The following NFIB variants were observed in gnomAD, a reference collection of about 807,000 sequenced individuals.
NFIB encodes the protein nuclear factor I B, also known as nuclear factor 1 B-type.
A neutral mutation model predicts 61.5 loss-of-function variants in NFIB; 11 were observed. The ratio of observed to expected loss-of-function variants is 0.18; its 90% CI spans 0.11 to 0.30. NFIB has a LOEUF of 0.30. Among genes scored for constraint, NFIB ranks in the 10% least tolerant of loss-of-function variants. The pLI, the probability that NFIB is intolerant of heterozygous loss-of-function variation, is 1.00. For synonymous variants in NFIB, 260 were observed against 216.5 expected (o/e 1.20, Z -1.76); for missense variants, 471 against 608.9 (o/e 0.77, Z 2.38).
intron 1 of NFIB, among the ~76,000 whole-genome samples, chr9:14,386,184 C>A (rs1169454926): frequency 6.6e-6 from 1 of 152,108 alleles, no homozygotes; most frequent in Non-Finnish European, 1.5e-5. Context: ...TACACTTGTC[C>A]AAAATTTAAA....
At chr9:14,452,496 G>GGAAAGGAAAGGAAAGGAAAGGAAAA in the NFIB span, among the ~76,000 whole-genome samples, 302 of 134,034 alleles carry the variant, frequency 2.3e-3, 25 homozygotes, top group African/African-American at 8.1e-3. Context: ...GGAAAGGAAA[G>GGAAAGGAAAGGAAAGGAAAGGAAAA]GAAAGGAAAG....
chr9:14,528,572 A>C, the NFIB span, among the ~76,000 whole-genome samples: 2 of 152,198 alleles, frequency 1.3e-5, no homozygotes. Flanking sequence ...TTTACAGATT[A>C]ATATTCAAAT....
At chr9:14,268,595 G>A (rs2057385574) in intron 2 of NFIB, among the ~76,000 whole-genome samples, 2 of 152,298 alleles carry the variant, frequency 1.3e-5, no homozygotes, top group South Asian at 4.1e-4. Context: ...CTTGAGTCAT[G>A]AGAACCTTCT....
chr9:14,416,919 G>A, the NFIB span, among the ~76,000 whole-genome samples: 2 of 124,592 alleles, frequency 1.6e-5, no homozygotes, highest in Non-Finnish European at 3.1e-5. Context: ...TTGAGAAGGA[G>A]TCTTGCCCTG....
At chr9:14,457,865 G>T in the NFIB span, among the ~76,000 whole-genome samples, 38 of 152,250 alleles carry the variant, frequency 2.5e-4, no homozygotes, top group East Asian at 6.4e-3. Flanking sequence ...TGGCATTGAG[G>T]CAATAATTAA....
At chr9:14,484,852 TG>T in the NFIB span, among the ~76,000 whole-genome samples, 1 of 152,142 alleles carries the variant, frequency 6.6e-6, no homozygotes, top group Non-Finnish European at 1.5e-5. Flanking sequence ...TACCATAGAC[TG>T]GGGGGCTGAA....
rs539802344 is a variant in NFIB at position 14,328,709 on chromosome 9, A to G, written c.109-21189T>C. On this transcript the variant is annotated intron_variant, in intron 1 of 8. Coordinates refer to the NFIB transcript ENST00000380934. ...TCATAATTTTTCCACTTAATTTTCT[A>G]TTTGTATTGTTGATATTAGTGAATG... Among the ~76,000 whole-genome samples, 12 of 152,094 alleles carry G rather than the reference A, an allele frequency of 7.9e-5. No homozygotes were observed. The South Asian group carries it at 1.0e-3, about 13-fold the overall frequency.
chr9:14,330,179 T>C (rs2060804561), intron 1 of NFIB, among the ~76,000 whole-genome samples: 1 of 152,032 alleles, frequency 6.6e-6, no homozygotes, highest in African/African-American at 2.4e-5. Flanking sequence ...AGTAACAGAA[T>C]GCAAGTGAGG....
chr9:14,372,658 T>C (rs111570749), intron 1 of NFIB, among the ~76,000 whole-genome samples: 4 of 152,272 alleles, frequency 2.6e-5, no homozygotes, highest in East Asian at 3.9e-4. Flanking sequence ...GGTTTTACTG[T>C]GTGCTGGCTT....
intron 1 of NFIB, among the ~76,000 whole-genome samples, chr9:14,363,896 T>G (rs561502787): frequency 6.6e-6 from 1 of 152,322 alleles, no homozygotes; most frequent in South Asian, 2.1e-4. Flanking sequence ...AATCTTCTAT[T>G]AAATAGCTCC....
At chr9:14,287,117 A>C (rs1301644848) in intron 2 of NFIB, among the ~76,000 whole-genome samples, 1 of 152,068 alleles carries the variant, frequency 6.6e-6, no homozygotes, top group African/African-American at 2.4e-5. Context: ...GTAACCTTAA[A>C]AGATTGAAAG....
chr9:14,374,151 T>A (rs1588388055), intron 1 of NFIB, among the ~76,000 whole-genome samples: 1 of 152,206 alleles, frequency 6.6e-6, no homozygotes, highest in African/African-American at 2.4e-5. Flanking sequence ...AATATAACAT[T>A]TTCCAAGGCT....
At chr9:14,247,937 T>G (rs1204951313) in intron 2 of NFIB, among the ~76,000 whole-genome samples, 1 of 146,896 alleles carries the variant, frequency 6.8e-6, no homozygotes, top group Non-Finnish European at 1.5e-5. Flanking sequence ...CTTTTTTTCT[T>G]TTTTTTTTTT....
chr9:14,090,927 G>C (rs990436625), intron 10 of NFIB, among the ~76,000 whole-genome samples: 4 of 151,964 alleles, frequency 2.6e-5, no homozygotes, highest in Admixed American at 2.6e-4. Context: ...CTTTAGAAGA[G>C]ACATATGTCA....
chr9:14,373,607 G>A (rs1447187649), intron 1 of NFIB, among the ~76,000 whole-genome samples: 1 of 151,442 alleles, frequency 6.6e-6, no homozygotes, highest in Non-Finnish European at 1.5e-5. Flanking sequence ...GTTTCTTGTA[G>A]AAAGACATTT....
At chr9:14,377,643 T>G (rs891618078) in intron 1 of NFIB, among the ~76,000 whole-genome samples, 1 of 152,116 alleles carries the variant, frequency 6.6e-6, no homozygotes, top group Admixed American at 6.6e-5. Flanking sequence ...GTTTCAATAT[T>G]TTATTGTGAA....
chr9:14,235,581 T>G (rs1248887875), intron 2 of NFIB, among the ~76,000 whole-genome samples: 1 of 152,226 alleles, frequency 6.6e-6, no homozygotes, highest in Non-Finnish European at 1.5e-5. Context: ...GTCCAAGAAT[T>G]ACGAAGCACA....
At chr9:14,349,174 A>G (rs1461858654) in intron 1 of NFIB, among the ~76,000 whole-genome samples, 1 of 152,172 alleles carries the variant, frequency 6.6e-6, no homozygotes, top group Middle Eastern at 3.2e-3. Flanking sequence ...AGCGAGGACA[A>G]TTTGAGCAGT....
intron 4 of NFIB, among the ~76,000 whole-genome samples, chr9:14,150,998 G>A (rs954850836): frequency 1.3e-5 from 2 of 152,066 alleles, no homozygotes; most frequent in Non-Finnish European, 2.9e-5. Context: ...ACAAAGCTGT[G>A]AGGCAGCATA....
Sources: gnomAD v4.1 joint callset for allele counts (sites outside exome capture counted in the v4.1 genomes callset) on GRCh38, gnomAD v4.1.1 for gene constraint, MANE v1.5 for transcripts, NCBI Gene and HGNC (gene_info 2026-07-23, HGNC 2026-07-21) for gene names.